Variants in CACNG4 observed in about 807,000 individuals in gnomAD.
CACNG4 encodes voltage-dependent calcium channel gamma-4 subunit.
Under a neutral mutation model 22.9 loss-of-function variants are expected in CACNG4, and 8 were observed. The ratio of observed to expected loss-of-function variants is 0.35; its 90% confidence interval spans 0.21 to 0.63. The LOEUF (loss-of-function observed/expected upper bound fraction) is 0.63, where lower values mean the gene tolerates loss of function less well. Ranked by LOEUF, CACNG4 falls within the 30% of genes least tolerant of loss-of-function variation. The pLI is 0.72. For synonymous variants in CACNG4, 188 were observed against 191.9 expected, an observed-to-expected ratio of 0.98 and a Z score of 0.17; for missense variants, 357 against 455.4, an observed-to-expected ratio of 0.78 and a Z score of 1.97.
intron 1 of CACNG4, among the ~76,000 whole-genome samples, chr17:66,968,714 C>T (rs777526647): frequency 6.8e-4 from 58 of 84,752 alleles, no homozygotes; most frequent in Non-Finnish European, 1.2e-3. Flanking sequence ...CTCACCTTCC[C>T]TCCTTCTCTC....
At chr17:67,025,906 C>T (rs926942405) in intron 3 of CACNG4, among the ~76,000 whole-genome samples, 3 of 150,942 alleles carry the variant, frequency 2.0e-5, no homozygotes, top group South Asian at 2.1e-4. Context: ...TGCCGGGCCC[C>T]GGTTCTACAC....
Position 67,030,968 on chromosome 17 carries a change from C to A in CACNG4, c.948C>A (p.His316Gln), listed in dbSNP as rs137899115. The part of the protein sequence containing the change: ...FFQQDLKEGF[H>Q]VSMLNRRTTP... ...AGCAGGACCTGAAGGAAGGTTTCCA[C>A]GTCAGCATGCTGAACCGACGGACGA... The change falls in exon 4 of 4, where the codon CAC becomes CAA. Residue 316 changes from histidine to glutamine, a missense_variant. Physicochemically the swap from His to Gln is conservative, Grantham distance 24. Transcript: ENST00000262138. The surrounding 1 kb of genome is among the most constrained non-coding windows in gnomAD (Gnocchi z 6.4). 1.9e-6 allele frequency: 3 copies of A among 1,613,568 alleles called. No individual in the cohort carries two copies. The highest frequency in any genetic ancestry group is 2.2e-5 in the South Asian group (2 of 91,078).
At chr17:67,001,859 G>A (rs2035410036) in intron 1 of CACNG4, among the ~76,000 whole-genome samples, 1 of 152,202 alleles carries the variant, frequency 6.6e-6, no homozygotes, top group African/African-American at 2.4e-5. Context: ...ACGCAGGCAG[G>A]ATGTTGGGTG....
In CACNG4 at chr17:67,027,321, G is replaced by A. The variant is rs1216160980; in HGVS notation, c.445+2321G>A. Among the ~76,000 whole-genome samples the A allele has an allele frequency of 3.3e-5, 5 of 152,226 alleles. No individual in the cohort carries two copies. The highest frequency in any genetic ancestry group is 5.9e-5 in the Non-Finnish European group (4 of 68,038). On this transcript the variant is annotated intron_variant, in intron 3 of 3. Coordinates refer to ENST00000262138, the MANE Select transcript of CACNG4 (RefSeq NM_014405.4). This position sits in a 1 kb window ranked among gnomAD's most constrained non-coding sequence, Gnocchi z 4.3. Reference sequence around the variant, plus strand: ...GAGGGACTTGGAGCCTGGACCCAGAGCCCTAGCCGAAGAAAATGAGTCCAG... The same window carrying A: ...GAGGGACTTGGAGCCTGGACCCAGAACCCTAGCCGAAGAAAATGAGTCCAG...
At chr17:66,974,861 G>A (rs2035226409) in intron 1 of CACNG4, among the ~76,000 whole-genome samples, 1 of 152,124 alleles carries the variant, frequency 6.6e-6, no homozygotes, top group Non-Finnish European at 1.5e-5. Context: ...TCCCCCATTA[G>A]TCCACGTGGA....
At chr17:67,017,003 C>G (rs910366733) in intron 1 of CACNG4, among the ~76,000 whole-genome samples, 8 of 152,104 alleles carry the variant, frequency 5.3e-5, no homozygotes, top group African/African-American at 1.9e-4. Context: ...ATCCTCTCTT[C>G]CCTCAACCGC....
chr17:66,981,724 T>TAAC (rs1258204940), intron 1 of CACNG4, among the ~76,000 whole-genome samples: 2 of 152,170 alleles, frequency 1.3e-5, no homozygotes, highest in African/African-American at 4.8e-5. Flanking sequence ...CTCCTCTGTT[T>TAAC]AGAGTCCAGA....
At chr17:66,996,040 G>A (rs1397889102) in intron 1 of CACNG4, among the ~76,000 whole-genome samples, 1 of 152,078 alleles carries the variant, frequency 6.6e-6, no homozygotes, top group Non-Finnish European at 1.5e-5. Flanking sequence ...TTCGCCTCTA[G>A]GACATTAATA....
intron 1 of CACNG4, among the ~76,000 whole-genome samples, chr17:66,976,163 C>T (rs558515415): frequency 5.3e-5 from 8 of 152,206 alleles, no homozygotes; most frequent in Non-Finnish European, 8.8e-5. Flanking sequence ...GACAAGGCAC[C>T]GGAGTGAAAA....
chr17:66,971,620 C>T (rs956544753), intron 1 of CACNG4, among the ~76,000 whole-genome samples: 2 of 151,992 alleles, frequency 1.3e-5, no homozygotes, highest in Non-Finnish European at 2.9e-5. Flanking sequence ...TGGAGGGGGC[C>T]GCTGTTGGCT....
intron 1 of CACNG4, among the ~76,000 whole-genome samples, chr17:67,005,698 A>T (rs1280180400): frequency 6.6e-6 from 1 of 151,936 alleles, no homozygotes; most frequent in Non-Finnish European, 1.5e-5. Flanking sequence ...CACAAAGGTG[A>T]CCTCTCTCCC....
intron 1 of CACNG4, among the ~76,000 whole-genome samples, chr17:66,992,164 G>GT (rs904651614): frequency 2.0e-5 from 3 of 151,952 alleles, no homozygotes; most frequent in Non-Finnish European, 4.4e-5. Flanking sequence ...AGCTCCTGGG[G>GT]GGGGGGGGCT....
At chr17:67,014,802 T>C (rs1195685310) in intron 1 of CACNG4, among the ~76,000 whole-genome samples, 1 of 151,772 alleles carries the variant, frequency 6.6e-6, no homozygotes, top group Non-Finnish European at 1.5e-5. Flanking sequence ...CCAGTGGTGG[T>C]GGTGCGTGCC....
intron 1 of CACNG4, among the ~76,000 whole-genome samples, chr17:67,001,494 C>T (rs1396964088): frequency 6.6e-6 from 1 of 152,150 alleles, no homozygotes; most frequent in Non-Finnish European, 1.5e-5. Context: ...AATTTTTGCT[C>T]CTCCTTCAAG....
intron 3 of CACNG4, among the ~76,000 whole-genome samples, chr17:67,029,673 C>T (rs980792029): frequency 6.6e-6 from 1 of 151,964 alleles, no homozygotes; most frequent in African/African-American, 2.4e-5. Context: ...CAAACAAATC[C>T]ATGTAAAGTC....
chr17:66,967,935 C>A (rs2035180181), intron 1 of CACNG4, among the ~76,000 whole-genome samples: 1 of 152,204 alleles, frequency 6.6e-6, no homozygotes, highest in Non-Finnish European at 1.5e-5. Flanking sequence ...ACAGGGCTGA[C>A]CTTGTCTTAG....
chr17:67,001,861 T>C (rs548009956), intron 1 of CACNG4, among the ~76,000 whole-genome samples: 1 of 152,104 alleles, frequency 6.6e-6, no homozygotes, highest in East Asian at 1.9e-4. Flanking sequence ...GCAGGCAGGA[T>C]GTTGGGTGCC....
intron 1 of CACNG4, among the ~76,000 whole-genome samples, chr17:66,977,123 T>C (rs1419546363): frequency 6.6e-6 from 1 of 152,158 alleles, no homozygotes; most frequent in East Asian, 1.9e-4. Flanking sequence ...AGCTCTGTCA[T>C]CTCTCGCCTG....
rs566761408 is a variant in CACNG4, at chr17:66,988,088, A to G, written c.220+22957A>G. The stretch of plus-strand genomic sequence containing the variant: ...ATATACACACACACACACACATGCA[A>G]CTGCACACAGTGTGGTCACAGAGCT... On this transcript the variant is annotated intron_variant, in intron 1 of 3. Coordinates refer to ENST00000262138, the MANE Select transcript of CACNG4 (RefSeq NM_014405.4). 6.6e-5 allele frequency among the ~76,000 whole-genome samples: 10 copies of G among 150,894 alleles called. No individual in the cohort carries two copies. The South Asian group carries it at 1.1e-3, about 16-fold the overall frequency.
Sources: gnomAD v4.1 joint callset for allele counts (sites outside exome capture counted in the v4.1 genomes callset) on GRCh38, gnomAD v4.1.1 for gene constraint, Gnocchi (gnomAD v3.1) non-coding constraint, MANE v1.5 for transcripts, NCBI Gene and HGNC (gene_info 2026-07-23, HGNC 2026-07-21) for gene names.